The following VPS13B variants were observed in gnomAD, a reference collection of about 807,000 sequenced individuals.
The protein encoded by VPS13B is intermembrane lipid transfer protein VPS13B.
A neutral mutation model predicts 426.4 loss-of-function variants in VPS13B; 285 were observed. The observed-to-expected ratio is 0.67, with a 90% CI of 0.61 to 0.74. The LOEUF is 0.74. VPS13B is among the 30% of genes least tolerant of loss of function. VPS13B has a pLI of 0.00. For synonymous variants in VPS13B, 1,676 were observed against 1,676.4 expected, an observed-to-expected ratio of 1.00 and a Z score of 0.01; for missense variants, 4,537 against 4,782.6, an observed-to-expected ratio of 0.95 and a Z score of 1.51.
At chr8:99,874,449 C>T (rs1469507009) in intron 61 of VPS13B, among the ~76,000 whole-genome samples, 1 of 152,194 alleles carries the variant, frequency 6.6e-6, no homozygotes, top group Non-Finnish European at 1.5e-5. Flanking sequence ...CGGACTTTCT[C>T]CAGCTTTTAA....
At chr8:99,052,892 T>C (rs1843635650) in intron 3 of VPS13B, among the ~76,000 whole-genome samples, 1 of 152,186 alleles carries the variant, frequency 6.6e-6, no homozygotes, top group African/African-American at 2.4e-5. Context: ...CTTTATCATA[T>C]TTTATTGCGT....
chr8:99,781,761 A>G (rs2130693007), intron 42 of VPS13B, among the ~76,000 whole-genome samples: 1 of 152,288 alleles, frequency 6.6e-6, no homozygotes, highest in Non-Finnish European at 1.5e-5. Context: ...CCCATCTGGT[A>G]ACTTAACCTC....
At chr8:99,721,476 G>A (rs1179334152) in intron 39 of VPS13B, among the ~76,000 whole-genome samples, 1 of 152,150 alleles carries the variant, frequency 6.6e-6, no homozygotes, top group Non-Finnish European at 1.5e-5. Context: ...ATGGTCTTGG[G>A]GCTTGAGGTA....
At chr8:99,474,674 A>G (rs1032610679) in intron 24 of VPS13B, among the ~76,000 whole-genome samples, 1 of 152,168 alleles carries the variant, frequency 6.6e-6, no homozygotes, top group Non-Finnish European at 1.5e-5. Flanking sequence ...ATACACACCT[A>G]TTAGACTGGC....
intron 54 of VPS13B, among the ~76,000 whole-genome samples, chr8:99,836,959 T>A (rs1193309015): frequency 6.6e-6 from 1 of 152,214 alleles, no homozygotes; most frequent in Admixed American, 6.5e-5. Context: ...TGGAATTTTA[T>A]CCAGTTTTGC....
intron 7 of VPS13B, among the ~76,000 whole-genome samples, chr8:99,120,799 G>T (rs1294558745): frequency 6.6e-6 from 1 of 151,954 alleles, no homozygotes; most frequent in Non-Finnish European, 1.5e-5. Context: ...TCTGAGAAAA[G>T]TCAGTTTTTC....
intron 19 of VPS13B, among the ~76,000 whole-genome samples, chr8:99,367,725 A>G (rs1812968312): frequency 6.6e-6 from 1 of 152,094 alleles, no homozygotes; most frequent in Admixed American, 6.5e-5. Context: ...TGTATTTTCA[A>G]ATAGCCTGTC....
chr8:99,558,210 AT>A (rs796397115), intron 31 of VPS13B, among the ~76,000 whole-genome samples: 1 of 152,140 alleles, frequency 6.6e-6, no homozygotes, highest in Admixed American at 6.6e-5. Context: ...AATAACTGTT[AT>A]TTTCCCTAAT....
intron 36 of VPS13B, among the ~76,000 whole-genome samples, chr8:99,706,824 C>G (rs1832517682): frequency 6.6e-6 from 1 of 152,066 alleles, no homozygotes; most frequent in South Asian, 2.1e-4. Context: ...TAGCCCCAAC[C>G]CAAGGACTGT....
At chr8:99,133,919 A>G (rs1809934945) in intron 8 of VPS13B, among the ~76,000 whole-genome samples, 1 of 152,212 alleles carries the variant, frequency 6.6e-6, no homozygotes, top group African/African-American at 2.4e-5. Context: ...AGAAACACAA[A>G]GTAAGCATGT....
chr8:99,156,268 G>A (rs918145773), intron 14 of VPS13B, among the ~76,000 whole-genome samples: 4 of 152,110 alleles, frequency 2.6e-5, no homozygotes, highest in Non-Finnish European at 5.9e-5. Flanking sequence ...GAGGCATGTC[G>A]TGATACTATT....
At chr8:99,014,034 A>G (rs1047665921) in intron 2 of VPS13B, 99 bp downstream of exon 2, 4 of 1,519,748 alleles carry the variant, frequency 2.6e-6, no homozygotes, top group Non-Finnish European at 3.6e-6. Flanking sequence ...TAAAAACGTA[A>G]CTTTTCTACT....
Position 99,431,508 on chromosome 8 carries a change from A to G in VPS13B, c.3083-29A>G, listed in dbSNP as rs760306863. Reference sequence around the variant, plus strand: ...CTGTGAAATTGTAAGTTATGTTTCTATTAAATAATTAGCTATTCTCGTACT... The same window carrying G: ...CTGTGAAATTGTAAGTTATGTTTCTGTTAAATAATTAGCTATTCTCGTACT... On this transcript the variant is annotated intron_variant, in intron 21 of 61. Coordinates refer to ENST00000357162, the MANE Select transcript of VPS13B (RefSeq NM_152564.5). 8.7e-6 allele frequency: 14 copies of G among 1,611,712 alleles called. No homozygotes were observed. The South Asian group carries it at 1.3e-4, about 15-fold the overall frequency.
chr8:99,818,969 C>CGGGGGGGG, intron 47 of VPS13B, 81 bp downstream of exon 47: 2 of 78,700 alleles, frequency 2.5e-5, no homozygotes, highest in East Asian at 5.2e-4. Flanking sequence ...TGGGGGGCGG[C>CGGGGGGGG]GGGGGAGGGG....
chr8:99,445,686 C>T (rs565587825), intron 23 of VPS13B, among the ~76,000 whole-genome samples: 1 of 151,632 alleles, frequency 6.6e-6, no homozygotes, highest in African/African-American at 2.4e-5. Context: ...TATTAAGATG[C>T]ATATTTAATT....
intron 33 of VPS13B, among the ~76,000 whole-genome samples, chr8:99,589,820 A>G (rs532512555): frequency 2.6e-5 from 4 of 152,240 alleles, no homozygotes; most frequent in African/African-American, 7.2e-5. Context: ...TGTCTCTGCC[A>G]GGCTTTGGTA....
chr8:99,458,815 A>G (rs1818669663), intron 23 of VPS13B, among the ~76,000 whole-genome samples: 1 of 152,176 alleles, frequency 6.6e-6, no homozygotes, highest in Non-Finnish European at 1.5e-5. Context: ...GATTCTGGAT[A>G]TTAGCCCTTT....
rs535002519 is a variant in VPS13B at position 99,251,753 on chromosome 8, A to G, written c.2516-22445A>G. On this transcript the variant is annotated intron_variant, in intron 17 of 61. Transcript: ENST00000357162. The stretch of plus-strand genomic sequence containing the variant: ...AAGATATTGTGTAGAAGAGATGTTA[A>G]TTCTTTAAGATTTGGTAGATTTCTC... 5.0e-4 allele frequency among the ~76,000 whole-genome samples: 76 copies of G among 152,084 alleles called. 1 individual carries two copies. Among genetic ancestry groups the G allele is most frequent in the African/African-American group, 1.8e-3 (75 of 41,540 alleles).
intron 39 of VPS13B, among the ~76,000 whole-genome samples, chr8:99,764,042 A>G (rs1291498961): frequency 6.6e-6 from 1 of 152,204 alleles, no homozygotes; most frequent in Non-Finnish European, 1.5e-5. Context: ...CAATCTGTTC[A>G]TTAAAGAAGC....
Sources: gnomAD v4.1 joint callset for allele counts (sites outside exome capture counted in the v4.1 genomes callset) on GRCh38, gnomAD v4.1.1 for gene constraint, MANE v1.5 for transcripts, NCBI Gene and HGNC (gene_info 2026-07-23, HGNC 2026-07-21) for gene names.